The following NTSR1 variants were observed in gnomAD, a reference collection of about 807,000 sequenced individuals.
NTSR1 encodes neurotensin receptor 1.
A neutral mutation model predicts 31.2 loss-of-function variants in NTSR1; 29 were observed. The observed-to-expected ratio is 0.93, with a 90% confidence interval of 0.69 to 1.27. The LOEUF (loss-of-function observed/expected upper bound fraction) is 1.27, where lower values mean the gene tolerates loss of function less well. Ranked by LOEUF, NTSR1 falls within the 50% of genes most tolerant of loss-of-function variation. The pLI is 0.00. For synonymous variants in NTSR1, 282 were observed against 269.9 expected, an observed-to-expected ratio of 1.04 and a Z score of -0.44; for missense variants, 697 against 595.4, an observed-to-expected ratio of 1.17 and a Z score of -1.78.
intron 1 of NTSR1, among the ~76,000 whole-genome samples, chr20:62,716,916 C>A (rs1298224802): frequency 6.6e-6 from 1 of 152,208 alleles, no homozygotes; most frequent in Non-Finnish European, 1.5e-5. Context: ...GTCTCAGAGA[C>A]CCCCACTGTT....
Position 62,742,126 on chromosome 20 carries a change from G to A in NTSR1, c.715-12559G>A, listed in dbSNP as rs1358095551. On this transcript the variant is annotated intron_variant, in intron 1 of 3. Transcript: ENST00000370501. The surrounding 1 kb of genome is among the most constrained non-coding windows in gnomAD (Gnocchi z 7.1). ...GAGCTCTCTGATGGAGGCGTGGACG[G>A]GGTCGTGAGGGGCCAAGTACTAGCC... Among the ~76,000 whole-genome samples the A allele has an allele frequency of 6.7e-6, 1 of 149,546 alleles. No homozygotes were observed. The highest frequency in any genetic ancestry group is 2.5e-5 in the African/African-American group (1 of 40,066).
At chr20:62,710,020 G>A in intron 1 of NTSR1, 99 bp downstream of exon 1, 2 of 1,041,854 alleles carry the variant, frequency 1.9e-6, no homozygotes, top group Non-Finnish European at 2.8e-6. Flanking sequence ...AGATGTCACA[G>A]AGACAGTCTA....
intron 1 of NTSR1, among the ~76,000 whole-genome samples, chr20:62,727,200 C>T (rs1022541290): frequency 2.0e-5 from 3 of 152,182 alleles, no homozygotes; most frequent in Non-Finnish European, 4.4e-5. Flanking sequence ...CTCCGCACTG[C>T]CCCCACCCTG....
chr20:62,712,941 G>A (rs1012696326), intron 1 of NTSR1, among the ~76,000 whole-genome samples: 9 of 152,226 alleles, frequency 5.9e-5, no homozygotes, highest in Non-Finnish European at 7.3e-5. Flanking sequence ...TGTCCATGGC[G>A]TGTATACTGA....
intron 1 of NTSR1, among the ~76,000 whole-genome samples, chr20:62,751,962 G>A (rs1264760810): frequency 6.6e-6 from 1 of 152,228 alleles, no homozygotes; most frequent in Non-Finnish European, 1.5e-5. Flanking sequence ...GTCACTCTCA[G>A]TGACACTCAG....
intron 1 of NTSR1, among the ~76,000 whole-genome samples, chr20:62,723,784 C>T (rs779725758): frequency 2.6e-5 from 4 of 152,222 alleles, no homozygotes; most frequent in Non-Finnish European, 2.9e-5. Context: ...CCCCCAAGCA[C>T]GGGGCTTTAT....
At chr20:62,750,423 G>T (rs933960077) in intron 1 of NTSR1, among the ~76,000 whole-genome samples, 12 of 152,262 alleles carry the variant, frequency 7.9e-5, no homozygotes, top group Middle Eastern at 3.4e-3. Context: ...GGGCGTGGTG[G>T]CTCACGCCTG....
chr20:62,709,960 T>G (rs574589966), intron 1 of NTSR1, 39 bp downstream of exon 1: 1 of 1,471,548 alleles, frequency 6.8e-7, no homozygotes, highest in East Asian at 2.4e-5. Context: ...CCCCTCTCCT[T>G]CACCCCAAAA....
At chr20:62,752,584 C>T (rs1989412862) in intron 1 of NTSR1, among the ~76,000 whole-genome samples, 2 of 152,228 alleles carry the variant, frequency 1.3e-5, no homozygotes, top group Admixed American at 6.5e-5. Flanking sequence ...GCCAGGGGGC[C>T]GGGGCCAGAC....
At position 62,741,437 on chromosome 20, in the gene NTSR1, G is replaced by A. The variant is rs185422231; in HGVS notation, c.715-13248G>A. ...GGGTGACTCACCAGCCCCGCTCAGA[G>A]GACGGGTCTGCAGGTGGCCAGAGTT... On this transcript the variant is annotated intron_variant, in intron 1 of 3. Transcript: ENST00000370501. The surrounding 1 kb of genome is among the most constrained non-coding windows in gnomAD (Gnocchi z 4.3). 6.7e-6 allele frequency among the ~76,000 whole-genome samples: 1 copy of A among 149,844 alleles called. No homozygotes were observed. Among genetic ancestry groups the A allele is most frequent in the African/African-American group, 2.5e-5 (1 of 40,282 alleles).
At chr20:62,718,121 G>A (rs1412822336) in intron 1 of NTSR1, among the ~76,000 whole-genome samples, 1 of 152,228 alleles carries the variant, frequency 6.6e-6, no homozygotes, top group African/African-American at 2.4e-5. Context: ...AGGGAGCAGA[G>A]GGCCGTGTGA....
rs568990298 is a variant in NTSR1, at chr20:62,750,782, G to T, written c.715-3903G>T. Reference sequence around the variant, plus strand: ...TGTGTTCCCACCATAATCAACGGGGGTAACTGTGAGGTGACGGATGTTTCA... The same window carrying T: ...TGTGTTCCCACCATAATCAACGGGGTTAACTGTGAGGTGACGGATGTTTCA... On this transcript the variant is annotated intron_variant, in intron 1 of 3. Transcript: ENST00000370501. Among the ~76,000 whole-genome samples the T allele has an allele frequency of 2.2e-4, 34 of 152,228 alleles. 1 individual carries two copies. Among genetic ancestry groups the T allele is most frequent in the Non-Finnish European group, 4.6e-4 (31 of 68,018 alleles).
Position 62,760,605 on chromosome 20 carries a change from T to C in NTSR1, c.*338T>C, listed in dbSNP as rs1041478112. ...TCTTTGTTCTCAGACTAATGGATGG[T>C]TCCAGAGAAGGAAATGAAAGGTGCT... On this transcript the variant is annotated 3_prime_UTR_variant, in exon 4 of 4. Coordinates refer to ENST00000370501, the MANE Select transcript of NTSR1 (RefSeq NM_002531.3). 1.3e-5 allele frequency: 3 copies of C among 238,700 alleles called. No homozygotes were observed. Among genetic ancestry groups the C allele is most frequent in the East Asian group, 8.4e-5 (1 of 11,964 alleles). The allele number at this position is 238,700 out of a possible 1,614,324, so 14.8% of individuals were successfully genotyped here.
rs1174854595 is a variant in NTSR1 at position 62,734,780 on chromosome 20, G to A, written c.715-19905G>A. ...CAATAGCTCACTAATACCGTTGCAA[G>A]TTGATATGATATTTTGAATACATTA... is the stretch of plus-strand genomic sequence containing the variant. On this transcript the variant is annotated intron_variant, in intron 1 of 3. Coordinates refer to ENST00000370501, the MANE Select transcript of NTSR1 (RefSeq NM_002531.3). Among the ~76,000 whole-genome samples, 6 of 152,264 alleles carry A rather than the reference G, an allele frequency of 3.9e-5. No homozygotes were observed. The East Asian group carries it at 9.6e-4, about 24-fold the overall frequency.
At chr20:62,725,205 G>T (rs547411457) in intron 1 of NTSR1, among the ~76,000 whole-genome samples, 1 of 152,192 alleles carries the variant, frequency 6.6e-6, no homozygotes, top group Non-Finnish European at 1.5e-5. Context: ...AACAGGAAGG[G>T]GCTGGAAGGG....
chr20:62,739,375 C>T (rs1242965433), intron 1 of NTSR1, among the ~76,000 whole-genome samples: 1 of 152,226 alleles, frequency 6.6e-6, no homozygotes, highest in Non-Finnish European at 1.5e-5. Context: ...GAGGCTGGAG[C>T]CCCTGGAATC....
chr20:62,759,949 C>T (rs925456301), intron 3 of NTSR1, 69 bp from the exon 4 acceptor site: 7 of 1,544,202 alleles, frequency 4.5e-6, no homozygotes, highest in Admixed American at 3.5e-5. Context: ...GCTGTGGCCC[C>T]GGCTGTCACC....
Position 62,709,603 on chromosome 20 carries a change from C to G in NTSR1, c.396C>G (p.His132Gln). 3.1e-6 allele frequency: 5 copies of G among 1,611,718 alleles called. No homozygotes were observed. The highest frequency in any genetic ancestry group is 4.2e-6 in the Non-Finnish European group (5 of 1,179,908). Reference sequence around the variant, plus strand: ...TGTACAACTTCATCTGGGTGCACCACCCCTGGGCCTTCGGCGACGCCGGCT... The same window carrying G: ...TGTACAACTTCATCTGGGTGCACCAGCCCTGGGCCTTCGGCGACGCCGGCT... Reference protein sequence around the residue: ...VELYNFIWVHHPWAFGDAGCR... With the variant: ...VELYNFIWVHQPWAFGDAGCR... The change falls in exon 1 of 4, where the codon CAC (histidine) becomes CAG (glutamine). Residue 132 changes from histidine (H) to glutamine (Q), a missense_variant. His to Gln is a conservative substitution (Grantham distance 24, BLOSUM62 0). Coordinates refer to ENST00000370501, the MANE Select transcript of NTSR1 (RefSeq NM_002531.3).
At chr20:62,755,827 A>C (rs994353372) in intron 2 of NTSR1, among the ~76,000 whole-genome samples, 18 of 5,250 alleles carry the variant, frequency 3.4e-3, no homozygotes, top group Middle Eastern at 0.1. Context: ...CCCTCCCTCC[A>C]TCCATCCCTC....
Sources: allele counts gnomAD v4.1 joint callset (sites outside exome capture counted in the v4.1 genomes callset), GRCh38; gene constraint gnomAD v4.1.1; non-coding constraint Gnocchi (gnomAD v3.1); transcripts MANE v1.5; gene names NCBI Gene and HGNC (gene_info 2026-07-23, HGNC 2026-07-21).